The following ZMIZ1 variants were observed in gnomAD, a reference collection of about 807,000 sequenced individuals.
The protein encoded by ZMIZ1 is zinc finger MIZ-type containing 1.
A neutral mutation model predicts 113.9 loss-of-function variants in ZMIZ1; 17 were observed. The observed-to-expected ratio is 0.15, with a 90% CI of 0.10 to 0.22. The LOEUF is 0.22. Ranked by LOEUF, ZMIZ1 falls within the 10% of genes least tolerant of loss-of-function variation. The pLI is 1.00. For missense variants in ZMIZ1, 1,059 were observed against 1,477.8 expected, an observed-to-expected ratio of 0.72 and a Z score of 4.65; for synonymous variants, 607 against 603.1, an observed-to-expected ratio of 1.01 and a Z score of -0.09.
At chr10:79,179,434 G>T (rs1847015626) in intron 4 of ZMIZ1, among the ~76,000 whole-genome samples, 1 of 152,236 alleles carries the variant, frequency 6.6e-6, no homozygotes, top group Admixed American at 6.5e-5. Context: ...GCCAGAAACA[G>T]AACCCCATTT....
chr10:79,187,880 C>G (rs1847414966), intron 4 of ZMIZ1, among the ~76,000 whole-genome samples: 1 of 152,188 alleles, frequency 6.6e-6, no homozygotes, highest in Non-Finnish European at 1.5e-5. Flanking sequence ...TCCCCAGCCC[C>G]AGAATAGTGT....
intron 8 of ZMIZ1, among the ~76,000 whole-genome samples, chr10:79,282,882 A>G (rs1235370104): frequency 6.6e-6 from 1 of 152,242 alleles, no homozygotes; most frequent in Non-Finnish European, 1.5e-5. Context: ...ATACAAGAGA[A>G]GGTGGCCAGA....
chr10:79,208,706 T>C (rs1228156514), intron 6 of ZMIZ1, among the ~76,000 whole-genome samples: 2 of 152,228 alleles, frequency 1.3e-5, no homozygotes, highest in Non-Finnish European at 1.5e-5. Context: ...AAAGACGCAG[T>C]GTTCACTTTG....
At chr10:79,209,200 C>T (rs748584257) in intron 6 of ZMIZ1, among the ~76,000 whole-genome samples, 2 of 143,424 alleles carry the variant, frequency 1.4e-5, no homozygotes, top group African/African-American at 2.9e-5. Flanking sequence ...CAGGAGTGCT[C>T]GGGGCACAAG....
intron 4 of ZMIZ1, among the ~76,000 whole-genome samples, chr10:79,168,054 C>T (rs769909872): frequency 2.6e-5 from 4 of 152,180 alleles, no homozygotes; most frequent in Non-Finnish European, 5.9e-5. Flanking sequence ...GTCAGGCTGG[C>T]GGCAGAACAG....
At chr10:79,290,910 A>C in intron 9 of ZMIZ1, 49 bp from the exon 10 acceptor site, 1 of 1,601,358 alleles carries the variant, frequency 6.2e-7, no homozygotes, top group Non-Finnish European at 8.5e-7. Flanking sequence ...CTTCCTCTCC[A>C]CACTGCCTCG....
At chr10:79,135,795 C>T (rs970833435) in intron 2 of ZMIZ1, among the ~76,000 whole-genome samples, 2 of 152,192 alleles carry the variant, frequency 1.3e-5, no homozygotes, top group Non-Finnish European at 2.9e-5. Flanking sequence ...GACAGTTGTG[C>T]TGAAAGGGTT....
chr10:79,104,945 TGTG>T (rs1181551485), intron 1 of ZMIZ1, among the ~76,000 whole-genome samples: 4 of 137,360 alleles, frequency 2.9e-5, no homozygotes, highest in East Asian at 2.1e-4. Context: ...GGGTTGTTGT[TGTG>T]GGGTGTGTGT....
Position 79,313,633 on chromosome 10 carries a change from G to A in ZMIZ1, c.*884G>A, listed in dbSNP as rs1227081282. On this transcript the variant is annotated 3_prime_UTR_variant, in exon 25 of 25. Transcript: ENST00000334512. ...TAACCTGTCAGAAGCAAACAGGAGCGGCAACTTCTAACTTTGCTCCAAGCC... is the reference window on the plus strand; with the variant it reads ...TAACCTGTCAGAAGCAAACAGGAGCAGCAACTTCTAACTTTGCTCCAAGCC... 8.1e-5 allele frequency: 19 copies of A among 233,870 alleles called. No individual in the cohort carries two copies. The highest frequency in any genetic ancestry group is 1.2e-4 in the Non-Finnish European group (14 of 117,536). The allele number at this position is 233,870 out of a possible 1,614,324, so 14.5% of individuals were successfully genotyped here.
chr10:79,155,360 G>A (rs1845867761), intron 3 of ZMIZ1, among the ~76,000 whole-genome samples: 3 of 152,206 alleles, frequency 2.0e-5, no homozygotes, highest in African/African-American at 7.2e-5. Flanking sequence ...AAACTCAAAG[G>A]AAAGGGAAGC....
intron 1 of ZMIZ1, among the ~76,000 whole-genome samples, chr10:79,112,788 A>T (rs1288808214): frequency 6.6e-6 from 1 of 152,192 alleles, no homozygotes; most frequent in Non-Finnish European, 1.5e-5. Context: ...GCATTTGGGG[A>T]GGGAGGGTTC....
At chr10:79,266,420 A>G (rs888906143) in intron 7 of ZMIZ1, among the ~76,000 whole-genome samples, 2 of 152,192 alleles carry the variant, frequency 1.3e-5, no homozygotes, top group African/African-American at 4.8e-5. Flanking sequence ...CAGGTAGTGT[A>G]ATCCTTGGCA....
At chr10:79,146,149 C>T (rs1845473284) in intron 3 of ZMIZ1, among the ~76,000 whole-genome samples, 1 of 152,108 alleles carries the variant, frequency 6.6e-6, no homozygotes, top group Non-Finnish European at 1.5e-5. Context: ...TGCAGACCCC[C>T]ATAGAGCTGG....
At position 79,200,649 on chromosome 10, in the gene ZMIZ1, T is replaced by C. The variant is rs141471599; in HGVS notation, c.-49-935T>C. Among the ~76,000 whole-genome samples the C allele has an allele frequency of 6.6e-5, 10 of 152,348 alleles. No homozygotes were observed. In the East Asian group the frequency reaches 1.9e-3, roughly 29 times the overall value. ...CCACTTGATGTGCCACCCTGGCTTTTCCCTTTCTGTCTCTCAGCCTCAGTT... is the reference window on the plus strand; with the variant it reads ...CCACTTGATGTGCCACCCTGGCTTTCCCCTTTCTGTCTCTCAGCCTCAGTT... On this transcript the variant is annotated intron_variant, in intron 4 of 24. Coordinates refer to ENST00000334512, the MANE Select transcript of ZMIZ1 (RefSeq NM_020338.4).
intron 1 of ZMIZ1, among the ~76,000 whole-genome samples, chr10:79,095,952 C>T (rs958329132): frequency 3.9e-5 from 6 of 152,190 alleles, no homozygotes; most frequent in East Asian, 1.9e-4. Context: ...TGCAGATCCC[C>T]GTGAGGCAGG....
intron 1 of ZMIZ1, among the ~76,000 whole-genome samples, chr10:79,082,662 C>T (rs1025077151): frequency 2.0e-5 from 3 of 152,266 alleles, no homozygotes; most frequent in African/African-American, 7.2e-5. Context: ...CCTACTTTCA[C>T]CCTTTGCGCC....
intron 7 of ZMIZ1, among the ~76,000 whole-genome samples, chr10:79,260,305 G>A (rs1418956669): frequency 1.3e-5 from 2 of 152,222 alleles, no homozygotes; most frequent in Admixed American, 1.3e-4. Context: ...GGGGAATCAG[G>A]ACTTTAAAAG....
chr10:79,311,202 C>G lies in ZMIZ1; in HGVS notation c.3096+18C>G. 1 of 1,598,244 alleles carries G rather than the reference C, an allele frequency of 6.3e-7. No homozygotes were observed. Among genetic ancestry groups the G allele is most frequent in the South Asian group, 1.1e-5 (1 of 89,520 alleles). On this transcript the variant is annotated intron_variant, in intron 24 of 24. Coordinates refer to ENST00000334512, the MANE Select transcript of ZMIZ1 (RefSeq NM_020338.4). Reference sequence around the variant, plus strand: ...CGCTGGATGTAAGTTGGGGTCGCCACTCGCCTTGGCCTGGGGCTAGGCCTG... The same window carrying G: ...CGCTGGATGTAAGTTGGGGTCGCCAGTCGCCTTGGCCTGGGGCTAGGCCTG...
intron 4 of ZMIZ1, among the ~76,000 whole-genome samples, chr10:79,165,435 G>A (rs1355283846): frequency 1.3e-5 from 2 of 152,216 alleles, no homozygotes; most frequent in African/African-American, 4.8e-5. Context: ...AGGGAGGGAG[G>A]GAGGAGGGTG....
Sources: gnomAD v4.1 joint callset for allele counts (sites outside exome capture counted in the v4.1 genomes callset) on GRCh38, gnomAD v4.1.1 for gene constraint, MANE v1.5 for transcripts, NCBI Gene and HGNC (gene_info 2026-07-23, HGNC 2026-07-21) for gene names.